Variants in KCNN3 observed in about 807,000 individuals in gnomAD.
The protein encoded by KCNN3 is small conductance calcium-activated potassium channel protein 3.
A neutral mutation model predicts 62.9 loss-of-function variants in KCNN3; 16 were observed. The observed-to-expected ratio is 0.25, with a 90% CI of 0.17 to 0.39. The LOEUF is 0.39. Among genes scored for constraint, KCNN3 ranks in the 10% least tolerant of loss-of-function variants. The pLI is 1.00. For synonymous variants in KCNN3, 370 were observed against 389.2 expected (o/e 0.95, Z 0.58); for missense variants, 599 against 949.4 (o/e 0.63, Z 4.85).
At chr1:154,830,504 G>A (rs914914569) in intron 1 of KCNN3, among the ~76,000 whole-genome samples, 2 of 152,244 alleles carry the variant, frequency 1.3e-5, no homozygotes, top group Admixed American at 6.5e-5. Flanking sequence ...TGAACAGACT[G>A]AGCTCAGGGC....
At chr1:154,835,222 T>C (rs1387286641) in intron 1 of KCNN3, among the ~76,000 whole-genome samples, 2 of 152,244 alleles carry the variant, frequency 1.3e-5, no homozygotes, top group African/African-American at 2.4e-5. Context: ...AGGGTGGCGA[T>C]ACATTCGGGT....
At position 154,772,414 on chromosome 1, in the gene KCNN3, A is replaced by G. The variant is rs1648602696; in HGVS notation, c.1030-21T>C. The G allele has an allele frequency of 3.1e-6, 5 of 1,612,958 alleles. No individual in the cohort carries two copies. Among genetic ancestry groups the G allele is most frequent in the East Asian group, 2.2e-5 (1 of 44,872 alleles). ...AAGAGCTGGTGGGAGCAGAAAGTCC[A>G]TTAGTGTGGCCAGGACCAGGAAGCC... On this transcript the variant is annotated intron_variant, in intron 2 of 7. Transcript: ENST00000271915. The surrounding 1 kb of genome is among the most constrained non-coding windows in gnomAD (Gnocchi z 5.6).
intron 3 of KCNN3, among the ~76,000 whole-genome samples, chr1:154,769,898 T>C (rs1007395317): frequency 6.6e-6 from 1 of 152,222 alleles, no homozygotes; most frequent in African/African-American, 2.4e-5. Context: ...TTCACCATCA[T>C]TGGATTGCAG....
chr1:154,838,167 G>A (rs902633660), intron 1 of KCNN3, among the ~76,000 whole-genome samples: 1 of 152,142 alleles, frequency 6.6e-6, no homozygotes, highest in African/African-American at 2.4e-5. Flanking sequence ...GCGGCCACGG[G>A]TGTGGAGAAC....
chr1:154,780,454 T>A (rs12034528), intron 2 of KCNN3, among the ~76,000 whole-genome samples: 1 of 150,760 alleles, frequency 6.6e-6, no homozygotes, highest in Admixed American at 6.6e-5. Context: ...GGAAAAAGCC[T>A]TTTTGTGTAC....
At chr1:154,752,954 A>G (rs1238657114) in intron 3 of KCNN3, among the ~76,000 whole-genome samples, 1 of 152,224 alleles carries the variant, frequency 6.6e-6, no homozygotes, top group African/African-American at 2.4e-5. Context: ...CCAGTTCTGC[A>G]TCACGTGGCC....
chr1:154,722,682 G>A (rs1049497245), intron 5 of KCNN3, among the ~76,000 whole-genome samples: 10 of 151,430 alleles, frequency 6.6e-5, no homozygotes, highest in East Asian at 1.9e-4. Flanking sequence ...ATGAGCCACC[G>A]CGCCCGGCCA....
intron 1 of KCNN3, among the ~76,000 whole-genome samples, chr1:154,866,950 C>A (rs979648559): frequency 1.3e-5 from 2 of 152,208 alleles, no homozygotes; most frequent in African/African-American, 4.8e-5. Context: ...GTGACTCTCC[C>A]GTCGCGTTAA....
In KCNN3 at chr1:154,834,934, A is replaced by G. The variant is rs925258255; in HGVS notation, c.934-12750T>C. On this transcript the variant is annotated intron_variant, in intron 1 of 7. Transcript: ENST00000271915. ...CTTGTTCCTGCTCCACTGAAGCCAG[A>G]TTTGCTACTTCTTTCCCCCTGAGCT... 2.0e-5 allele frequency among the ~76,000 whole-genome samples: 3 copies of G among 152,236 alleles called. No homozygotes were observed. The South Asian group carries it at 6.2e-4, about 32-fold the overall frequency.
rs372885548 is a variant in KCNN3 at position 154,728,190 on chromosome 1, G to A, written c.1591-2164C>T. ...CATTTTAGCTGGCTGATTGCAGGGGGGGCTTTTAATGAGAAGCTAGAGTGT... is the reference window on the plus strand; with the variant it reads ...CATTTTAGCTGGCTGATTGCAGGGGAGGCTTTTAATGAGAAGCTAGAGTGT... On this transcript the variant is annotated intron_variant, in intron 4 of 7. Transcript: ENST00000271915. Among the ~76,000 whole-genome samples the A allele has an allele frequency of 5.9e-5, 9 of 152,252 alleles. 1 individual carries two copies. In the East Asian group the frequency reaches 1.7e-3, roughly 29 times the overall value.
intron 2 of KCNN3, among the ~76,000 whole-genome samples, chr1:154,780,596 T>A (rs113458405): frequency 4.1e-5 from 6 of 146,248 alleles, no homozygotes; most frequent in Non-Finnish European, 6.0e-5. Flanking sequence ...GTTTTATATT[T>A]TATATATATA....
intron 3 of KCNN3, among the ~76,000 whole-genome samples, chr1:154,759,953 GTTTC>G (rs887963446): frequency 6.6e-6 from 1 of 152,080 alleles, no homozygotes; most frequent in Non-Finnish European, 1.5e-5. Context: ...TGCTTTACCA[GTTTC>G]TTTTTTATTT....
chr1:154,829,787 AC>A (rs1234915023), intron 1 of KCNN3, among the ~76,000 whole-genome samples: 2 of 152,118 alleles, frequency 1.3e-5, no homozygotes, highest in African/African-American at 2.4e-5. Context: ...TTAATAGTAC[AC>A]AGGGTAACCT....
In KCNN3 at chr1:154,787,780, G is replaced by C. The variant is rs115984625; in HGVS notation, c.1030-15387C>G. On this transcript the variant is annotated intron_variant, in intron 2 of 7. Transcript: ENST00000271915. ...GTCTGCCTCCACCTTCTAAACCCCC[G>C]TTTGGATATCCAGACGCCCAGAGTC... 3.9e-3 allele frequency among the ~76,000 whole-genome samples: 597 copies of C among 152,248 alleles called. 5 individuals carry two copies. The highest frequency in any genetic ancestry group is 0.014 in the African/African-American group (581 of 41,530).
At chr1:154,865,135 G>A (rs535649383) in intron 1 of KCNN3, among the ~76,000 whole-genome samples, 1 of 152,188 alleles carries the variant, frequency 6.6e-6, no homozygotes, top group Admixed American at 6.5e-5. Flanking sequence ...TCTGAACCCA[G>A]GGAAGAGAGC....
At chr1:154,722,415 T>C (rs1571211640) in intron 5 of KCNN3, among the ~76,000 whole-genome samples, 1 of 139,682 alleles carries the variant, frequency 7.2e-6, no homozygotes, top group Non-Finnish European at 1.5e-5. Flanking sequence ...TGAGATGGAG[T>C]CTCGCTCAGT....
rs775784556 is a variant in KCNN3 at position 154,869,936 on chromosome 1, G to A, written c.29C>T (p.Ser10Leu). The change falls in exon 1 of 8, where the codon TCG becomes TTG. Residue 10 changes from serine to leucine, a missense_variant. Around this residue, in one of 7 missense-constraint regions of KCNN3, gnomAD observed 59 missense variants for 62.4 expected, o/e 0.95. Transcript: ENST00000271915. The surrounding 1 kb of genome is among the most constrained non-coding windows in gnomAD (Gnocchi z 6.1). MDTSGHFHD[S>L]GVGDLDEDPK... The stretch of plus-strand genomic sequence containing the variant: ...GTCTTCATCCAAGTCCCCCACCCCC[G>A]AGTCATGGAAGTGCCCAGAAGTGTC... 3 of 1,610,998 alleles carry A rather than the reference G, an allele frequency of 1.9e-6. No individual in the cohort carries two copies. Among genetic ancestry groups the A allele is most frequent in the Admixed American group, 1.7e-5 (1 of 59,688 alleles).
intron 3 of KCNN3, among the ~76,000 whole-genome samples, chr1:154,742,381 C>G (rs1345994569): frequency 6.6e-6 from 1 of 152,208 alleles, no homozygotes; most frequent in Non-Finnish European, 1.5e-5. Flanking sequence ...GGCCAGAACA[C>G]CTATGTTTGA....
chr1:154,836,996 C>T (rs1245971182), intron 1 of KCNN3, among the ~76,000 whole-genome samples: 16 of 152,254 alleles, frequency 1.1e-4, no homozygotes, highest in African/African-American at 2.7e-4. Context: ...GCCCCATCAT[C>T]TAGGTGGGGA....
Sources: gnomAD v4.1 joint callset for allele counts (sites outside exome capture counted in the v4.1 genomes callset) on GRCh38, gnomAD v4.1.1 for gene constraint, gnomAD v4.1.1 regional missense constraint, Gnocchi (gnomAD v3.1) non-coding constraint, MANE v1.5 for transcripts, NCBI Gene and HGNC (gene_info 2026-07-23, HGNC 2026-07-21) for gene names.